Variants in CACNA1C observed in about 807,000 individuals in gnomAD.
CACNA1C encodes voltage-dependent L-type calcium channel subunit alpha-1C.
CACNA1C carries 30 observed loss-of-function variants against 229.0 expected under a neutral mutation model. The ratio of observed to expected loss-of-function variants is 0.13; its 90% confidence interval spans 0.10 to 0.18. The LOEUF is 0.18. Among genes scored for constraint, CACNA1C ranks in the 10% least tolerant of loss-of-function variants. The pLI is 1.00. For missense variants in CACNA1C, 1,658 were observed against 2,845.0 expected, an observed-to-expected ratio of 0.58 and a Z score of 9.49; for synonymous variants, 1,114 against 1,132.5, an observed-to-expected ratio of 0.98 and a Z score of 0.33.
intron 1 of CACNA1C, among the ~76,000 whole-genome samples, chr12:2,008,516 T>C (rs1397634278): frequency 1.3e-5 from 2 of 152,120 alleles, no homozygotes; most frequent in Non-Finnish European, 2.9e-5. Context: ...TTGTACATAA[T>C]AGAGATTCAA....
At chr12:2,126,012 C>T (rs762725624) in intron 3 of CACNA1C, among the ~76,000 whole-genome samples, 25 of 152,256 alleles carry the variant, frequency 1.6e-4, no homozygotes, top group African/African-American at 5.3e-4. Flanking sequence ...CCCTCGCAAA[C>T]GCATCGGCTT....
chr12:2,690,673 C>T, intron 46 of CACNA1C: 1 of 505,258 alleles, frequency 2.0e-6, no homozygotes, highest in Non-Finnish European at 3.5e-6. Flanking sequence ...TGTTTGACCA[C>T]CCCAGCCAAA....
At chr12:2,615,585 A>G (rs776529722) in intron 29 of CACNA1C, among the ~76,000 whole-genome samples, 1 of 91,976 alleles carries the variant, frequency 1.1e-5, no homozygotes, top group African/African-American at 2.9e-5. Flanking sequence ...TGAGGATGGC[A>G]GGAGAGGGAG....
intron 30 of CACNA1C, among the ~76,000 whole-genome samples, chr12:2,637,789 G>A (rs1170147526): frequency 2.0e-5 from 3 of 152,176 alleles, no homozygotes; most frequent in African/African-American, 4.8e-5. Flanking sequence ...ATATTCCCAG[G>A]GATATGGTCT....
chr12:2,634,952 A>G (rs2092250116), intron 30 of CACNA1C, among the ~76,000 whole-genome samples: 1 of 152,130 alleles, frequency 6.6e-6, no homozygotes, highest in Non-Finnish European at 1.5e-5. Context: ...CTCTGTTTTC[A>G]TTTAACATCA....
At chr12:2,232,227 G>GTTTTTTTTTTTTTTTTTTTTTTTTTTTTT (rs1169407536) in intron 3 of CACNA1C, among the ~76,000 whole-genome samples, 8 of 73,554 alleles carry the variant, frequency 1.1e-4, no homozygotes, top group Admixed American at 1.6e-4. Flanking sequence ...GTCTTTCCTT[G>GTTTTTTTTTTTTTTTTTTTTTTTTTTTTT]TTTTTTTTTT....
At chr12:2,243,665 A>G (rs765063061) in intron 3 of CACNA1C, among the ~76,000 whole-genome samples, 4 of 152,212 alleles carry the variant, frequency 2.6e-5, no homozygotes, top group Admixed American at 6.5e-5. Context: ...ATATAATGGG[A>G]TAATAGTAGC....
At chr12:2,541,325 T>C (rs2099869689) in intron 9 of CACNA1C, among the ~76,000 whole-genome samples, 1 of 152,162 alleles carries the variant, frequency 6.6e-6, no homozygotes, top group Admixed American at 6.5e-5. Flanking sequence ...GAGGAATCCT[T>C]TTGCTTGTTA....
At chr12:2,324,401 C>A (rs764789699) in intron 3 of CACNA1C, among the ~76,000 whole-genome samples, 1 of 152,202 alleles carries the variant, frequency 6.6e-6, no homozygotes, top group Admixed American at 6.5e-5. Context: ...CCTTGCTGCC[C>A]GAATCTCCAC....
At chr12:2,092,740 C>A (rs2071804153) in intron 1 of CACNA1C, among the ~76,000 whole-genome samples, 1 of 152,046 alleles carries the variant, frequency 6.6e-6, no homozygotes, top group South Asian at 2.1e-4. Flanking sequence ...CTATTTAATC[C>A]TTATTATATT....
rs114190093 is a variant in CACNA1C, at chr12:2,415,089, G to A, written c.478-33887G>A. 7.5e-4 allele frequency among the ~76,000 whole-genome samples: 114 copies of A among 152,322 alleles called. 1 individual carries two copies. Among genetic ancestry groups the A allele is most frequent in the African/African-American group, 2.6e-3 (110 of 41,570 alleles). On this transcript the variant is annotated intron_variant, in intron 3 of 46. Coordinates refer to ENST00000399655, the MANE Select transcript of CACNA1C (RefSeq NM_000719.7). ...CTGGGCAGATACCTCTGTGGCATGC[G>A]AGTGTGGGACCTGAACCCAGGTTCT...
At chr12:2,353,709 A>T (rs897397619) in intron 3 of CACNA1C, among the ~76,000 whole-genome samples, 2 of 152,170 alleles carry the variant, frequency 1.3e-5, no homozygotes, top group African/African-American at 4.8e-5. Flanking sequence ...CCGTGCCTCA[A>T]TCTAGAGGAG....
At chr12:2,256,341 A>G (rs957196112) in intron 3 of CACNA1C, among the ~76,000 whole-genome samples, 6 of 152,210 alleles carry the variant, frequency 3.9e-5, no homozygotes, top group Admixed American at 2.6e-4. Flanking sequence ...AAAATGACTT[A>G]AACACATAAT....
chr12:2,398,480 G>A (rs2098628154), intron 3 of CACNA1C, among the ~76,000 whole-genome samples: 1 of 152,202 alleles, frequency 6.6e-6, no homozygotes, highest in Non-Finnish European at 1.5e-5. Context: ...GCTCTGGTCT[G>A]TGCATCGGGA....
At chr12:2,406,938 G>A (rs962816174) in intron 3 of CACNA1C, among the ~76,000 whole-genome samples, 1 of 152,216 alleles carries the variant, frequency 6.6e-6, no homozygotes, top group Non-Finnish European at 1.5e-5. Flanking sequence ...GCAGGGAGGA[G>A]GGATGCCACC....
intron 3 of CACNA1C, among the ~76,000 whole-genome samples, chr12:2,324,325 T>A (rs1232270333): frequency 2.0e-5 from 3 of 152,232 alleles, no homozygotes; most frequent in African/African-American, 7.2e-5. Flanking sequence ...CGATTCATTT[T>A]GCTTTGGGGA....
intron 4 of CACNA1C, among the ~76,000 whole-genome samples, chr12:2,455,322 G>T (rs1243881773): frequency 6.6e-6 from 1 of 151,436 alleles, no homozygotes; most frequent in Non-Finnish European, 1.5e-5. Context: ...TTGAAATGTG[G>T]CTAATCTGCA....
Position 2,319,202 on chromosome 12 carries a change from G to C in CACNA1C, c.478-129774G>C, listed in dbSNP as rs1397657329. Among the ~76,000 whole-genome samples, 1 of 152,060 alleles carries C rather than the reference G, an allele frequency of 6.6e-6. No homozygotes were observed. The highest frequency in any genetic ancestry group is 2.4e-5 in the African/African-American group (1 of 41,396). On this transcript the variant is annotated intron_variant, in intron 3 of 46. Coordinates refer to ENST00000399655, the MANE Select transcript of CACNA1C (RefSeq NM_000719.7). This position sits in a 1 kb window ranked among gnomAD's most constrained non-coding sequence, Gnocchi z 4.0. ...TCACTGCACCCTCGTGGGCTCCCCT[G>C]CCCTGTCCTGGCAGTGTACATGATG... is the stretch of plus-strand genomic sequence containing the variant.
At chr12:2,188,461 AC>A (rs1489746336) in intron 3 of CACNA1C, among the ~76,000 whole-genome samples, 1 of 152,070 alleles carries the variant, frequency 6.6e-6, no homozygotes, top group Admixed American at 6.6e-5. Flanking sequence ...TATATTTTGG[AC>A]CCAATCTAGT....
Sources: allele counts gnomAD v4.1 joint callset (sites outside exome capture counted in the v4.1 genomes callset), GRCh38; gene constraint gnomAD v4.1.1; non-coding constraint Gnocchi (gnomAD v3.1); transcripts MANE v1.5; gene names NCBI Gene and HGNC (gene_info 2026-07-23, HGNC 2026-07-21).